Variants in DLC1 observed in about 807,000 individuals in gnomAD.
The protein encoded by DLC1 is rho GTPase-activating protein 7.
Under a neutral mutation model 140.3 loss-of-function variants are expected in DLC1, and 54 were observed. That is an observed-to-expected ratio of 0.38 (90% CI 0.31 to 0.48). The LOEUF (loss-of-function observed/expected upper bound fraction) is 0.48. Among genes scored for constraint, DLC1 ranks in the 20% least tolerant of loss-of-function variants. DLC1 has a pLI of 0.96. For missense variants in DLC1, 2,536 were observed against 1,907.0 expected, an observed-to-expected ratio of 1.33 and a Z score of -6.14; for synonymous variants, 986 against 728.1, an observed-to-expected ratio of 1.35 and a Z score of -5.70.
At chr8:13,145,003 C>G (rs1823310715) in intron 5 of DLC1, among the ~76,000 whole-genome samples, 1 of 151,876 alleles carries the variant, frequency 6.6e-6, no homozygotes, top group Non-Finnish European at 1.5e-5. Flanking sequence ...CATTCTCTGA[C>G]CAAATGCAAT....
chr8:13,206,161 A>G (rs1276698680), intron 5 of DLC1, among the ~76,000 whole-genome samples: 2 of 152,168 alleles, frequency 1.3e-5, no homozygotes, highest in East Asian at 3.8e-4. Context: ...TTAATGAAAA[A>G]CTTCACTGAA....
chr8:13,534,453 A>C (rs908365695), intron 1 of DLC1, among the ~76,000 whole-genome samples: 9 of 152,186 alleles, frequency 5.9e-5, no homozygotes, highest in African/African-American at 1.9e-4. Flanking sequence ...AATTTGAGGG[A>C]TAAAAACTGG....
At chr8:13,107,767 G>C (rs1351755593) in intron 7 of DLC1, among the ~76,000 whole-genome samples, 2 of 152,192 alleles carry the variant, frequency 1.3e-5, no homozygotes, top group East Asian at 3.8e-4. Flanking sequence ...AAAGAAAGTT[G>C]CTGGCTGGTC....
intron 8 of DLC1, 164 bp from the exon 9 acceptor site, chr8:13,100,934 T>G (rs982671428): frequency 7.1e-5 from 50 of 704,510 alleles, no homozygotes; most frequent in Middle Eastern, 8.3e-4. Flanking sequence ...AAAAATAGGG[T>G]CTCACTCTGT....
chr8:13,407,248 C>G (rs900844004), intron 2 of DLC1, among the ~76,000 whole-genome samples: 1 of 152,136 alleles, frequency 6.6e-6, no homozygotes, highest in African/African-American at 2.4e-5. Flanking sequence ...GCAGTGGTAT[C>G]TGGGGAAGAT....
At chr8:13,582,142 C>G (rs757297354) in intron 1 of DLC1, among the ~76,000 whole-genome samples, 1 of 152,200 alleles carries the variant, frequency 6.6e-6, no homozygotes, top group African/African-American at 2.4e-5. Context: ...CATCAAAAAG[C>G]GCTTCTAAGC....
chr8:13,339,334 C>A (rs1251288867), intron 4 of DLC1: 2 of 152,180 alleles, frequency 1.3e-5, no homozygotes, highest in African/African-American at 2.4e-5. Context: ...TTTGTAATAA[C>A]AAGAGGAGGC....
intron 2 of DLC1, among the ~76,000 whole-genome samples, chr8:13,466,585 A>G (rs764067314): frequency 1.2e-4 from 19 of 152,208 alleles, no homozygotes; most frequent in Non-Finnish European, 2.5e-4. Context: ...TACCTAATGA[A>G]GTATCCCATG....
intron 4 of DLC1, among the ~76,000 whole-genome samples, chr8:13,392,251 C>T (rs769523330): frequency 3.3e-5 from 5 of 152,130 alleles, no homozygotes; most frequent in Non-Finnish European, 5.9e-5. Context: ...CCTCCTTTTG[C>T]TGGAATGTAA....
chr8:13,344,109 T>C (rs1236549128), intron 4 of DLC1, among the ~76,000 whole-genome samples: 1 of 152,220 alleles, frequency 6.6e-6, no homozygotes, highest in African/African-American at 2.4e-5. Flanking sequence ...TTTTCTTTCA[T>C]TCAATACATA....
rs1394167779 is a variant in DLC1, at chr8:13,094,858, C to T, written c.3427G>A (p.Ala1143Thr). 6.2e-7 allele frequency: 1 copy of T among 1,614,226 alleles called. No homozygotes were observed. Among genetic ancestry groups the T allele is most frequent in the Non-Finnish European group, 8.5e-7 (1 of 1,180,046 alleles). ...TTCAGCATGTCTGCCACGTCATAAG[C>T]AGACTGTCCTTCGTAGTTGACACAG... Reference protein sequence around the residue: ...IDCVNYEGQSAYDVADMLKQY... With the variant: ...IDCVNYEGQSTYDVADMLKQY... Residue 1143 changes from alanine to threonine, a missense_variant, in exon 12 of 18, where the codon GCT (alanine) becomes ACT (threonine). Coordinates refer to ENST00000276297, the MANE Select transcript of DLC1 (RefSeq NM_182643.3).
chr8:13,390,737 C>CTTTGGATT (rs1836717727), intron 4 of DLC1, among the ~76,000 whole-genome samples: 1 of 152,166 alleles, frequency 6.6e-6, no homozygotes, highest in Admixed American at 6.5e-5. Context: ...CCTGTAATCC[C>CTTTGGATT]AGCACTTTGG....
chr8:13,498,595 T>G (rs559909281), intron 2 of DLC1, among the ~76,000 whole-genome samples: 16 of 152,208 alleles, frequency 1.1e-4, no homozygotes, highest in Non-Finnish European at 1.8e-4. Context: ...ATTTTAAATA[T>G]GTGATTTATA....
chr8:13,485,740 G>T (rs577853312), intron 2 of DLC1, among the ~76,000 whole-genome samples: 2 of 152,242 alleles, frequency 1.3e-5, no homozygotes, highest in African/African-American at 4.8e-5. Flanking sequence ...TCTCTCAATG[G>T]CCAGGCTTGA....
intron 4 of DLC1, among the ~76,000 whole-genome samples, chr8:13,346,030 A>C (rs986489875): frequency 6.6e-6 from 1 of 152,212 alleles, no homozygotes; most frequent in Non-Finnish European, 1.5e-5. Context: ...TAAGTTTTGC[A>C]CTGTGCATTT....
At chr8:13,322,244 C>A (rs529572111) in intron 4 of DLC1, among the ~76,000 whole-genome samples, 2 of 152,164 alleles carry the variant, frequency 1.3e-5, no homozygotes, top group South Asian at 4.1e-4. Context: ...CTGTTGAATA[C>A]CTTTGATCAT....
chr8:13,258,064 G>A (rs1330988835), intron 5 of DLC1, among the ~76,000 whole-genome samples: 1 of 152,198 alleles, frequency 6.6e-6, no homozygotes, highest in African/African-American at 2.4e-5. Flanking sequence ...AACACAGCAA[G>A]TTTCAATCCT....
Position 13,092,787 on chromosome 8 carries a change from C to A in DLC1, c.3565G>T (p.Ala1189Ser). The A allele has an allele frequency of 1.2e-6, 2 of 1,614,056 alleles. No individual in the cohort carries two copies. Among genetic ancestry groups the A allele is most frequent in the South Asian group, 1.1e-5 (1 of 91,038 alleles). ...KDQRLQAIKA[A>S]IMLLPDENRE... ...TTCTCGTCAGGCAGCAGCATGATGG[C>A]AGCCTTGATGGCCTGCAGGCGCTGG... The change falls in exon 13 of 18, where the codon GCC (alanine) becomes TCC (serine). Residue 1189 changes from alanine to serine, a missense_variant. Coordinates refer to ENST00000276297, the MANE Select transcript of DLC1 (RefSeq NM_182643.3).
chr8:13,088,236 C>G (rs1210195579), intron 16 of DLC1, among the ~76,000 whole-genome samples: 1 of 151,646 alleles, frequency 6.6e-6, no homozygotes, highest in Admixed American at 6.6e-5. Flanking sequence ...TGCACCACAA[C>G]ATCTAGCTGA....
Sources: allele counts gnomAD v4.1 joint callset (sites outside exome capture counted in the v4.1 genomes callset), GRCh38; gene constraint gnomAD v4.1.1; transcripts MANE v1.5; gene names NCBI Gene and HGNC (gene_info 2026-07-23, HGNC 2026-07-21).